Variants in FER observed in about 807,000 individuals in gnomAD.
The protein encoded by FER is tyrosine-protein kinase Fer.
A neutral mutation model predicts 111.0 loss-of-function variants in FER; 63 were observed. The observed-to-expected ratio is 0.57, with a 90% confidence interval of 0.46 to 0.70. FER has a LOEUF of 0.70. FER is among the 30% of genes least tolerant of loss of function. FER has a pLI of 0.00. For missense variants in FER, 914 were observed against 954.0 expected (o/e 0.96, Z 0.55); for synonymous variants, 327 against 313.9 (o/e 1.04, Z -0.44).
intron 3 of FER, among the ~76,000 whole-genome samples, chr5:108,828,399 AT>A (rs1490594252): frequency 6.6e-6 from 1 of 152,156 alleles, no homozygotes; most frequent in African/African-American, 2.4e-5. Flanking sequence ...TGACTCTTCT[AT>A]TTGAAAAGGT....
intron 3 of FER, among the ~76,000 whole-genome samples, chr5:108,825,497 T>C (rs1295258037): frequency 6.6e-6 from 1 of 152,226 alleles, no homozygotes; most frequent in Admixed American, 6.5e-5. Context: ...GAACAATTGC[T>C]GTTATCCTGT....
chr5:108,895,127 T>G (rs1269290838), intron 9 of FER, among the ~76,000 whole-genome samples: 1 of 152,164 alleles, frequency 6.6e-6, no homozygotes, highest in Non-Finnish European at 1.5e-5. Context: ...GAAATAACAG[T>G]AAAGCATAGA....
intron 10 of FER, among the ~76,000 whole-genome samples, chr5:108,931,962 TTGTGTG>T (rs571366890): frequency 3.3e-5 from 5 of 150,696 alleles, no homozygotes; most frequent in African/African-American, 2.4e-5. Context: ...ATCTTAAATT[TTGTGTG>T]TGTGTGTGTG....
intron 16 of FER, among the ~76,000 whole-genome samples, chr5:109,065,618 G>C (rs72792514): frequency 0.04 from 6,100 of 152,246 alleles, 141 homozygotes; most frequent in Middle Eastern, 0.13. Context: ...CACTTTGGGA[G>C]CCTAAGGGTG....
At chr5:108,838,257 T>C (rs1023129292) in intron 5 of FER, among the ~76,000 whole-genome samples, 1 of 152,144 alleles carries the variant, frequency 6.6e-6, no homozygotes, top group African/African-American at 2.4e-5. Flanking sequence ...TTAGTTCACC[T>C]ACATGGGCCA....
chr5:108,872,015 T>C, intron 7 of FER, 78 bp from the exon 8 acceptor site: 1 of 1,350,554 alleles, frequency 7.4e-7, no homozygotes, highest in Non-Finnish European at 1.0e-6. Context: ...AAAACAAATA[T>C]TCTGCCTTTA....
rs115647236 is a variant in FER, at chr5:109,024,071, G to A, written c.1657-13351G>A. Among the ~76,000 whole-genome samples, 785 of 152,148 alleles carry A rather than the reference G, an allele frequency of 5.2e-3. 3 individuals are homozygous for A. The highest frequency in any genetic ancestry group is 0.018 in the African/African-American group (744 of 41,528). ...GATAAGGAAGCTGAGACTGAAAGAG[G>A]CCATGTTGCTGAAAGTTACACAGCT... On this transcript the variant is annotated intron_variant, in intron 13 of 19. Coordinates refer to ENST00000281092, the MANE Select transcript of FER (RefSeq NM_005246.4).
chr5:108,808,678 G>C (rs1757444467), intron 3 of FER, among the ~76,000 whole-genome samples: 1 of 151,962 alleles, frequency 6.6e-6, no homozygotes, highest in Non-Finnish European at 1.5e-5. Flanking sequence ...TGTATTGTGT[G>C]GTTCCTTTAT....
chr5:108,757,857 A>G (rs1580386692), intron 1 of FER, among the ~76,000 whole-genome samples: 1 of 152,322 alleles, frequency 6.6e-6, no homozygotes, highest in Middle Eastern at 3.4e-3. Context: ...TAATCATAAC[A>G]AATATAGGAG....
At chr5:108,961,790 GGTA>G (rs1328558621) in intron 13 of FER, among the ~76,000 whole-genome samples, 1 of 152,052 alleles carries the variant, frequency 6.6e-6, no homozygotes, top group African/African-American at 2.4e-5. Context: ...TTGTTATGGT[GGTA>G]GTATCTGTTA....
intron 2 of FER, among the ~76,000 whole-genome samples, chr5:108,791,436 A>G (rs1455078340): frequency 6.6e-6 from 1 of 151,984 alleles, no homozygotes; most frequent in East Asian, 1.9e-4. Flanking sequence ...TTTTTCTTAG[A>G]GAACTGTCCA....
At chr5:109,074,058 GA>G (rs956021672) in intron 16 of FER, among the ~76,000 whole-genome samples, 2 of 152,064 alleles carry the variant, frequency 1.3e-5, no homozygotes, top group African/African-American at 4.8e-5. Flanking sequence ...AAAATGCAAA[GA>G]AAATAGAAAT....
intron 17 of FER, among the ~76,000 whole-genome samples, chr5:109,102,033 C>T (rs1469035439): frequency 6.6e-6 from 1 of 152,016 alleles, no homozygotes; most frequent in East Asian, 1.9e-4. Context: ...TTTGAGAGGA[C>T]CATTGTTTCA....
At chr5:108,766,668 A>T (rs1441934090) in intron 1 of FER, among the ~76,000 whole-genome samples, 2 of 152,218 alleles carry the variant, frequency 1.3e-5, no homozygotes, top group African/African-American at 4.8e-5. Context: ...CTGTTTGCTG[A>T]CCAGAAGGAG....
At chr5:108,878,538 A>G (rs1235062309) in intron 8 of FER, among the ~76,000 whole-genome samples, 1 of 152,066 alleles carries the variant, frequency 6.6e-6, no homozygotes, top group East Asian at 1.9e-4. Flanking sequence ...TACTACTTGT[A>G]TGTAATGTAA....
chr5:108,936,146 A>G (rs570193732), intron 10 of FER, among the ~76,000 whole-genome samples: 55 of 152,132 alleles, frequency 3.6e-4, no homozygotes, highest in African/African-American at 1.1e-3. Flanking sequence ...CCTGGCTCAC[A>G]CTATTTGGAA....
At chr5:108,779,083 T>C (rs538654636) in intron 2 of FER, among the ~76,000 whole-genome samples, 3 of 152,172 alleles carry the variant, frequency 2.0e-5, no homozygotes, top group South Asian at 4.2e-4. Context: ...TTCTTGGTTG[T>C]ATTGCTTTCT....
chr5:108,811,653 G>C (rs1390387572), intron 3 of FER, among the ~76,000 whole-genome samples: 1 of 152,080 alleles, frequency 6.6e-6, no homozygotes, highest in Non-Finnish European at 1.5e-5. Flanking sequence ...GATTTATCAT[G>C]GAAGTCTAAA....
rs562878322 is a variant in FER, at chr5:109,045,408, T to C, written c.1829+613T>C. ...CTCCAAAGTTACCTTTTTCATTCTC[T>C]TAGGAAAGTATACAGCAGTTTTCAA... On this transcript the variant is annotated intron_variant, in intron 15 of 19. Transcript: ENST00000281092. 2.0e-5 allele frequency among the ~76,000 whole-genome samples: 3 copies of C among 151,828 alleles called. No individual in the cohort carries two copies. In the East Asian group the frequency reaches 5.8e-4, roughly 29 times the overall value.
Sources: allele counts gnomAD v4.1 joint callset (sites outside exome capture counted in the v4.1 genomes callset), GRCh38; gene constraint gnomAD v4.1.1; transcripts MANE v1.5; gene names NCBI Gene and HGNC (gene_info 2026-07-23, HGNC 2026-07-21).